The following GOLGA3 variants were observed in gnomAD, a reference collection of about 807,000 sequenced individuals.
The protein encoded by GOLGA3 is golgin subfamily A member 3.
Under a neutral mutation model 169.4 loss-of-function variants are expected in GOLGA3, and 75 were observed. That is an observed-to-expected ratio of 0.44 (90% CI 0.37 to 0.54). The LOEUF (loss-of-function observed/expected upper bound fraction) is 0.54, where lower values mean the gene tolerates loss of function less well. Among genes scored for constraint, GOLGA3 ranks in the 20% least tolerant of loss-of-function variants. The pLI is 0.00. For missense variants in GOLGA3, 1,899 were observed against 1,930.0 expected (o/e 0.98, Z 0.30); for synonymous variants, 824 against 822.4 (o/e 1.00, Z -0.03).
rs769443626 is a variant in GOLGA3, at chr12:132,808,382, C to G, written c.687G>C (p.Pro229=). ...AAGTTTTTTTCTCCCTAGGATGTGC[C>G]GGAAGCCCCAGGCTGCCCACCTTAG... ...RGPKVGSLGL[P]AHPREKKTSK... is the part of the protein sequence containing the mutation. The change falls in exon 5 of 24, where the codon CCG becomes CCC. Residue 229 remains proline, a synonymous_variant. Coordinates refer to ENST00000450791, the MANE Select transcript of GOLGA3 (RefSeq NM_001389683.1). The G allele has an allele frequency of 3.7e-6, 6 of 1,613,916 alleles. No individual in the cohort carries two copies. The African/African-American group carries it at 8.0e-5, about 22-fold the overall frequency.
At position 132,805,037 on chromosome 12, in the gene GOLGA3, A is replaced by G; in HGVS notation, c.1291-15T>C. On this transcript the variant is annotated splice_polypyrimidine_tract_variant and intron_variant, in intron 6 of 23. Transcript: ENST00000450791. ...TCTTTAAGTGCCTGAAAAGATCCCA[A>G]CAACCACAATGATTTTAAGAAAACG... 1.3e-6 allele frequency: 2 copies of G among 1,599,710 alleles called. No homozygotes were observed.
At chr12:132,819,331 TA>T (rs1950116319) in intron 2 of GOLGA3, among the ~76,000 whole-genome samples, 1 of 151,308 alleles carries the variant, frequency 6.6e-6, no homozygotes, top group African/African-American at 2.4e-5. Context: ...AGATCGAGAC[TA>T]TCCTGGCTAA....
chr12:132,826,116 A>G (rs1211608419), intron 1 of GOLGA3: 20 of 1,545,034 alleles, frequency 1.3e-5, no homozygotes, highest in Middle Eastern at 1.9e-4. Flanking sequence ...CCTCTGAGCA[A>G]GACAGTGCAC....
rs1444399124 is a variant in GOLGA3 at position 132,808,554 on chromosome 12, G to A, written c.520-5C>T. 2 of 1,564,464 alleles carry A rather than the reference G, an allele frequency of 1.3e-6. No homozygotes were observed. Among genetic ancestry groups the A allele is most frequent in the Non-Finnish European group, 1.7e-6 (2 of 1,157,630 alleles). On this transcript the variant is annotated splice_region_variant and splice_polypyrimidine_tract_variant and intron_variant, in intron 4 of 23. Coordinates refer to ENST00000450791, the MANE Select transcript of GOLGA3 (RefSeq NM_001389683.1). ...TTTGGTTGCAGGTTGACTGGACTGA[G>A]AAGAAAACAAAAGTACAAAAATTAC...
At chr12:132,809,406 G>A (rs1050541870) in intron 4 of GOLGA3, among the ~76,000 whole-genome samples, 40 of 152,158 alleles carry the variant, frequency 2.6e-4, no homozygotes, top group Admixed American at 7.2e-4. Flanking sequence ...AAACTCCCCC[G>A]GGGAAAGGGA....
At chr12:132,797,046 G>A (rs1207808835) in intron 9 of GOLGA3, among the ~76,000 whole-genome samples, 1 of 152,256 alleles carries the variant, frequency 6.6e-6, no homozygotes, top group African/African-American at 2.4e-5. Context: ...TACCGGGTAA[G>A]AGACCAGAGG....
intron 17 of GOLGA3, among the ~76,000 whole-genome samples, chr12:132,781,959 GCAGGTCTGCCCCTCAACTAAA>G (rs1191067422): frequency 1.3e-5 from 2 of 151,388 alleles, no homozygotes; most frequent in Non-Finnish European, 2.9e-5. Flanking sequence ...CCCCGACTAA[GCAGGTCTGCCCCTCAACTAAA>G]CAGGTGAACT....
In GOLGA3 at chr12:132,777,872, G is replaced by A. The variant is rs1267620116; in HGVS notation, c.3583-67C>T. 25 of 1,561,614 alleles carry A rather than the reference G, an allele frequency of 1.6e-5. No individual in the cohort carries two copies. Among genetic ancestry groups the A allele is most frequent in the Middle Eastern group, 3.4e-4 (2 of 5,908 alleles). On this transcript the variant is annotated intron_variant, in intron 18 of 23. Transcript: ENST00000450791. This position sits in a 1 kb window ranked among gnomAD's most constrained non-coding sequence, Gnocchi z 4.7. ...CCCACAGCTTTATGACGTGCCGGGC[G>A]CAGGGGGTGAATGCACTCCCGGCCC... is the stretch of plus-strand genomic sequence containing the variant.
intron 1 of GOLGA3, among the ~76,000 whole-genome samples, chr12:132,824,389 G>A (rs923707334): frequency 6.6e-6 from 1 of 152,230 alleles, no homozygotes; most frequent in Admixed American, 6.5e-5. Flanking sequence ...GTTCATAACA[G>A]TGTTGTTCAG....
At chr12:132,782,557 A>C (rs893408376) in intron 16 of GOLGA3, 64 bp from the exon 17 acceptor site, 2 of 1,298,382 alleles carry the variant, frequency 1.5e-6, no homozygotes, top group Non-Finnish European at 2.2e-6. Context: ...CATACCCCAG[A>C]AACAGGTGAG....
intron 3 of GOLGA3, among the ~76,000 whole-genome samples, chr12:132,815,955 T>C (rs930052091): frequency 6.6e-6 from 1 of 152,098 alleles, no homozygotes; most frequent in Non-Finnish European, 1.5e-5. Flanking sequence ...TCCCAACACT[T>C]TGGGAGGCCA....
At position 132,826,484 on chromosome 12, in the gene GOLGA3, G is replaced by C. The variant is rs555708190; in HGVS notation, c.-184+2319C>G. ...AAAGACGCTCAGGTTCCACCGAGAGGGCACGCCAACATGGTGACAGCCAAC... is the reference window on the plus strand; with the variant it reads ...AAAGACGCTCAGGTTCCACCGAGAGCGCACGCCAACATGGTGACAGCCAAC... On this transcript the variant is annotated intron_variant, in intron 1 of 23. Coordinates refer to ENST00000450791, the MANE Select transcript of GOLGA3 (RefSeq NM_001389683.1). Among the ~76,000 whole-genome samples the C allele has an allele frequency of 6.4e-4, 97 of 152,034 alleles. 2 individuals carry two copies. In the South Asian group the frequency reaches 7.7e-3, roughly 12 times the overall value.
chr12:132,805,091 A>C, intron 6 of GOLGA3, 69 bp from the exon 7 acceptor site: 1 of 1,514,444 alleles, frequency 6.6e-7, no homozygotes, highest in Non-Finnish European at 8.9e-7. Context: ...TATTAACAGG[A>C]ACACAACCAG....
intron 2 of GOLGA3, among the ~76,000 whole-genome samples, chr12:132,819,561 G>C (rs1265190991): frequency 6.6e-6 from 1 of 152,194 alleles, no homozygotes; most frequent in African/African-American, 2.4e-5. Flanking sequence ...ACTTGCAAAT[G>C]TGAGTTCAAA....
At chr12:132,800,576 T>C (rs1238423608) in intron 8 of GOLGA3, among the ~76,000 whole-genome samples, 1 of 152,174 alleles carries the variant, frequency 6.6e-6, no homozygotes, top group Non-Finnish European at 1.5e-5. Flanking sequence ...GAACATTTGG[T>C]GGAATTAGTA....
chr12:132,804,822 G>A lies in GOLGA3; in HGVS notation c.1491C>T (p.Ser497=), dbSNP rs367672810. 3 of 1,614,078 alleles carry A rather than the reference G, an allele frequency of 1.9e-6. No individual in the cohort carries two copies. Among genetic ancestry groups the A allele is most frequent in the East Asian group, 4.5e-5 (2 of 44,894 alleles). Residue 497 remains serine (S), a synonymous_variant, in exon 7 of 24, where the codon AGC becomes AGT. Transcript: ENST00000450791. This position sits in a 1 kb window ranked among gnomAD's most constrained non-coding sequence, Gnocchi z 4.1. ...LQNMLEAKNA[S]LASSNNDLQV... is the part of the protein sequence containing the mutation. ...GCAAGTCGTTGTTGGACGACGCCAG[G>A]CTGGCATTTTTTGCCTCCAGCATGT...
chr12:132,811,091 T>A (rs1340894993), intron 4 of GOLGA3, among the ~76,000 whole-genome samples: 3 of 152,192 alleles, frequency 2.0e-5, no homozygotes, highest in African/African-American at 7.2e-5. Context: ...TTACTTATCA[T>A]TGGAGATGAC....
At chr12:132,779,499 G>A (rs1194653336) in intron 18 of GOLGA3, among the ~76,000 whole-genome samples, 1 of 152,198 alleles carries the variant, frequency 6.6e-6, no homozygotes, top group South Asian at 2.1e-4. Flanking sequence ...AGTTCTTAAA[G>A]GTTGTGGCAA....
At chr12:132,816,136 T>C (rs1566138348) in intron 3 of GOLGA3, among the ~76,000 whole-genome samples, 1 of 152,086 alleles carries the variant, frequency 6.6e-6, no homozygotes, top group Non-Finnish European at 1.5e-5. Context: ...AGGCGGAGAT[T>C]GCAGTGAGCC....
Sources: gnomAD v4.1 joint callset for allele counts (sites outside exome capture counted in the v4.1 genomes callset) on GRCh38, gnomAD v4.1.1 for gene constraint, Gnocchi (gnomAD v3.1) non-coding constraint, MANE v1.5 for transcripts, NCBI Gene and HGNC (gene_info 2026-07-23, HGNC 2026-07-21) for gene names.